CACNA1C: variants seen among roughly 807,000 people sequenced by gnomAD.
CACNA1C encodes voltage-dependent L-type calcium channel subunit alpha-1C.
In CACNA1C, 30 loss-of-function variants were observed where a neutral mutation model predicts 229.0. The ratio of observed to expected loss-of-function variants is 0.13; its 90% CI spans 0.10 to 0.18. The LOEUF is 0.18. Among genes scored for constraint, CACNA1C ranks in the 10% least tolerant of loss-of-function variants. The probability of loss-of-function intolerance (pLI) is 1.00; values close to 1 mark genes in which losing one functional copy is unlikely to be tolerated. For synonymous variants in CACNA1C, 1,114 were observed against 1,132.5 expected, an observed-to-expected ratio of 0.98 and a Z score of 0.33; for missense variants, 1,658 against 2,845.0, an observed-to-expected ratio of 0.58 and a Z score of 9.49.
intron 29 of CACNA1C, among the ~76,000 whole-genome samples, chr12:2,628,096 T>C (rs82607): frequency 0.065 from 9,961 of 152,282 alleles, 1,033 homozygotes; most frequent in African/African-American, 0.22. Context: ...GTGTGCGGAC[T>C]TCGTCGTGGA....
chr12:2,294,484 C>A (rs944015281), intron 3 of CACNA1C, among the ~76,000 whole-genome samples: 1 of 151,846 alleles, frequency 6.6e-6, no homozygotes, highest in Non-Finnish European at 1.5e-5. Context: ...GGAAGGGTCA[C>A]CTGGGGCAGT....
chr12:2,509,974 C>A (rs1023238641), intron 8 of CACNA1C, among the ~76,000 whole-genome samples: 1 of 152,154 alleles, frequency 6.6e-6, no homozygotes, highest in Non-Finnish European at 1.5e-5. Context: ...TGGGTGGTAT[C>A]GATGATCAAA....
intron 1 of CACNA1C, among the ~76,000 whole-genome samples, chr12:1,989,485 T>G (rs904408043): frequency 2.0e-5 from 3 of 152,154 alleles, no homozygotes; most frequent in African/African-American, 7.2e-5. Flanking sequence ...GAGGCCAAGG[T>G]GGGTGATCAC....
chr12:2,053,745 C>G lies in CACNA1C; in HGVS notation c.49+134C>G. 1.1e-6 allele frequency: 1 copy of G among 936,816 alleles called. No individual in the cohort carries two copies. The highest frequency in any genetic ancestry group is 1.4e-6 in the Non-Finnish European group (1 of 731,088). The allele number at this position is 936,816 out of a possible 1,614,324, so 58.0% of individuals were successfully genotyped here. On this transcript the variant is annotated intron_variant, in intron 1 of 46. Transcript: ENST00000399655. This position sits in a 1 kb window ranked among gnomAD's most constrained non-coding sequence, Gnocchi z 5.8. The stretch of plus-strand genomic sequence containing the variant: ...GGGCCGCGTCCGCGAGGGGCGCCTC[C>G]GCCTCGTCGGAGCGCCCGGGAGCCC...
intron 3 of CACNA1C, among the ~76,000 whole-genome samples, chr12:2,268,834 G>C (rs1268062330): frequency 1.3e-5 from 2 of 152,204 alleles, no homozygotes; most frequent in African/African-American, 4.8e-5. Context: ...GGTCCTTTCT[G>C]TCCCAGTTAA....
intron 3 of CACNA1C, chr12:2,217,551 TTC>T (rs564142049): frequency 7.2e-5 from 11 of 152,370 alleles, no homozygotes; most frequent in African/African-American, 2.4e-4. Flanking sequence ...TCTAGATGTA[TTC>T]TTTCTCTGCA....
intron 44 of CACNA1C, 34 bp from the exon 45 acceptor site, chr12:2,686,132 T>C (rs764809566): frequency 1.3e-6 from 2 of 1,555,608 alleles, no homozygotes; most frequent in South Asian, 2.2e-5. Flanking sequence ...CCTGTTTTCC[T>C]GCCCTGATGG....
intron 3 of CACNA1C, among the ~76,000 whole-genome samples, chr12:2,305,552 C>T (rs925121549): frequency 6.6e-6 from 1 of 152,192 alleles, no homozygotes; most frequent in Non-Finnish European, 1.5e-5. Context: ...CCTCAAAAAA[C>T]AGGTTGCTCA....
chr12:2,457,249 A>G (rs1013457778), intron 4 of CACNA1C, among the ~76,000 whole-genome samples: 2 of 152,172 alleles, frequency 1.3e-5, no homozygotes, highest in Non-Finnish European at 2.9e-5. Context: ...GGAGATAAGG[A>G]CTGGCAACAG....
At chr12:2,013,893 G>C (rs947968255) in intron 1 of CACNA1C, among the ~76,000 whole-genome samples, 1 of 152,134 alleles carries the variant, frequency 6.6e-6, no homozygotes, top group Admixed American at 6.5e-5. Flanking sequence ...AAAATATGAG[G>C]CTTTAGAAGT....
chr12:2,617,539 G>T (rs1176527406), intron 29 of CACNA1C, among the ~76,000 whole-genome samples: 9 of 152,216 alleles, frequency 5.9e-5, no homozygotes, highest in African/African-American at 2.2e-4. Context: ...CGTATCCAGT[G>T]TGCCCATGTG....
intron 3 of CACNA1C, among the ~76,000 whole-genome samples, chr12:2,432,666 G>A (rs1596096734): frequency 6.6e-6 from 1 of 152,178 alleles, no homozygotes; most frequent in African/African-American, 2.4e-5. Context: ...AAAGGCATAA[G>A]TGCAATCTTC....
intron 3 of CACNA1C, among the ~76,000 whole-genome samples, chr12:2,317,634 A>G (rs2095759926): frequency 6.6e-6 from 1 of 152,218 alleles, no homozygotes; most frequent in South Asian, 2.1e-4. Context: ...TAAGATGGCA[A>G]ATTTTAATGT....
At chr12:2,643,696 A>G (rs901603011) in intron 30 of CACNA1C, among the ~76,000 whole-genome samples, 2 of 152,108 alleles carry the variant, frequency 1.3e-5, no homozygotes, top group African/African-American at 4.8e-5. Context: ...GGGGAGATAA[A>G]AGGATCGTGA....
rs369543059 is a variant in CACNA1C, at chr12:2,584,201, G to C, written c.2225-302G>C. ...CAATTACAGCCAGTCATCTCAGCAG[G>C]GAAAGCAATCATGAAACCCAGCAAT... On this transcript the variant is annotated intron_variant, in intron 15 of 46. Transcript: ENST00000399655. Among the ~76,000 whole-genome samples the C allele has an allele frequency of 2.6e-5, 4 of 152,302 alleles. No homozygotes were observed. In the East Asian group the frequency reaches 7.7e-4, roughly 29 times the overall value.
rs111298509 is a variant in CACNA1C at position 2,679,735 on chromosome 12, G to A, written c.5383G>A (p.Gly1795Arg). 2.8e-3 allele frequency: 4,567 copies of A among 1,604,226 alleles called. 120 individuals carry two copies. The African/African-American group carries it at 0.053, about 19-fold the overall frequency. ...CACGGTCAGCACTGTGGAGGGCCAC[G>A]GGCCCCCCTTGTCCCCTGCCATCCG... ...PSTVSTVEGH[G>R]PPLSPAIRVQ... Residue 1795 changes from glycine to arginine, a missense_variant, in exon 42 of 47, where the codon GGG (glycine) becomes AGG (arginine). Around this residue, in one of 20 missense-constraint regions of CACNA1C, gnomAD observed 590 missense variants for 700.8 expected, o/e 0.84. Transcript: ENST00000399655. This position sits in a 1 kb window ranked among gnomAD's most constrained non-coding sequence, Gnocchi z 5.5.
intron 11 of CACNA1C, among the ~76,000 whole-genome samples, chr12:2,565,197 G>T (rs185354878): frequency 3.3e-5 from 5 of 152,110 alleles, no homozygotes; most frequent in East Asian, 3.9e-4. Context: ...GGCCGGGCGC[G>T]GTGGCTCACG....
intron 31 of CACNA1C, 65 bp downstream of exon 31, chr12:2,648,572 C>A: frequency 1.4e-6 from 2 of 1,465,158 alleles, no homozygotes; most frequent in East Asian, 2.3e-5. Context: ...CCCACTCTCC[C>A]CACCCCGAAC....
At chr12:2,247,304 C>G (rs1429992357) in intron 3 of CACNA1C, among the ~76,000 whole-genome samples, 1 of 152,188 alleles carries the variant, frequency 6.6e-6, no homozygotes, top group Non-Finnish European at 1.5e-5. Flanking sequence ...TTTCCTGCAC[C>G]CTCTCTGCCC....
Sources: gnomAD v4.1 joint callset for allele counts (sites outside exome capture counted in the v4.1 genomes callset) on GRCh38, gnomAD v4.1.1 for gene constraint, gnomAD v4.1.1 regional missense constraint, Gnocchi (gnomAD v3.1) non-coding constraint, MANE v1.5 for transcripts, NCBI Gene and HGNC (gene_info 2026-07-23, HGNC 2026-07-21) for gene names.